The following ACOXL variants were observed in gnomAD, a reference collection of about 807,000 sequenced individuals.
ACOXL encodes the protein acyl-CoA oxidase like, also known as acyl-coenzyme A oxidase-like protein.
Under a neutral mutation model 71.9 loss-of-function variants are expected in ACOXL, and 70 were observed. The observed-to-expected ratio is 0.97, with a 90% CI of 0.80 to 1.19. The LOEUF is 1.19. Among genes scored for constraint, ACOXL ranks in the 50% most tolerant of loss-of-function variants. The pLI is 0.00. For synonymous variants in ACOXL, 253 were observed against 281.6 expected (o/e 0.90, Z 1.02); for missense variants, 703 against 736.3 (o/e 0.95, Z 0.52).
At chr2:110,867,916 C>T (rs1694809671) in intron 10 of ACOXL, among the ~76,000 whole-genome samples, 1 of 152,106 alleles carries the variant, frequency 6.6e-6, no homozygotes, top group Non-Finnish European at 1.5e-5. Context: ...GTGCCCACCA[C>T]CACGCTCAGC....
chr2:110,851,838 G>C (rs1692636421), intron 10 of ACOXL, among the ~76,000 whole-genome samples: 1 of 152,188 alleles, frequency 6.6e-6, no homozygotes, highest in Admixed American at 6.5e-5. Flanking sequence ...CCGGGAAATG[G>C]GGGGCAGCTG....
intron 9 of ACOXL, among the ~76,000 whole-genome samples, chr2:110,816,753 T>C (rs1687969616): frequency 6.6e-6 from 1 of 152,220 alleles, no homozygotes; most frequent in Non-Finnish European, 1.5e-5. Context: ...GCCTAAAGTA[T>C]AGAGGAACTG....
intron 10 of ACOXL, among the ~76,000 whole-genome samples, chr2:110,865,289 A>G (rs1390248859): frequency 1.3e-5 from 2 of 152,162 alleles, no homozygotes; most frequent in Non-Finnish European, 2.9e-5. Context: ...GTTGGAGTGG[A>G]GCACACGGCA....
chr2:110,748,766 T>C (rs1678558101), intron 1 of ACOXL, among the ~76,000 whole-genome samples: 1 of 152,212 alleles, frequency 6.6e-6, no homozygotes, highest in Non-Finnish European at 1.5e-5. Flanking sequence ...AGGCAGATGG[T>C]TTCTTTGCTC....
chr2:110,866,698 CA>C (rs1694626807), intron 10 of ACOXL, among the ~76,000 whole-genome samples: 1 of 152,070 alleles, frequency 6.6e-6, no homozygotes, highest in Non-Finnish European at 1.5e-5. Context: ...AAGCTTGAGG[CA>C]CCCCCAGGTC....
At chr2:110,811,135 A>G (rs1687267747) in intron 9 of ACOXL, among the ~76,000 whole-genome samples, 1 of 152,236 alleles carries the variant, frequency 6.6e-6, no homozygotes, top group South Asian at 2.1e-4. Flanking sequence ...AAAGCGTATC[A>G]GGGAGTTATG....
chr2:111,037,563 AATCACAGCC>A (rs1049013301), intron 15 of ACOXL, among the ~76,000 whole-genome samples: 1 of 152,198 alleles, frequency 6.6e-6, no homozygotes, highest in African/African-American at 2.4e-5. Context: ...TCTGTGTAAT[AATCACAGCC>A]ATCACAGCCA....
At chr2:110,914,647 T>G (rs531983189) in intron 11 of ACOXL, among the ~76,000 whole-genome samples, 1 of 152,330 alleles carries the variant, frequency 6.6e-6, no homozygotes, top group African/African-American at 2.4e-5. Context: ...CAATATTTAT[T>G]TCTTTTAATT....
chr2:111,113,674 G>A (rs2070147370), intron 17 of ACOXL, among the ~76,000 whole-genome samples: 1 of 152,200 alleles, frequency 6.6e-6, no homozygotes, highest in Non-Finnish European at 1.5e-5. Context: ...GAATAAAGGT[G>A]GCCAGAGGCA....
At chr2:110,974,202 A>G (rs759056772) in intron 12 of ACOXL, among the ~76,000 whole-genome samples, 9 of 152,172 alleles carry the variant, frequency 5.9e-5, no homozygotes, top group East Asian at 1.9e-4. Context: ...AGAGATGGAA[A>G]TTTCAGGAGA....
At chr2:111,077,080 G>A (rs1286430887) in intron 16 of ACOXL, among the ~76,000 whole-genome samples, 1 of 152,164 alleles carries the variant, frequency 6.6e-6, no homozygotes, top group African/African-American at 2.4e-5. Context: ...AATATTTGCA[G>A]ATTTCAGGAA....
intron 11 of ACOXL, among the ~76,000 whole-genome samples, chr2:110,912,415 A>T (rs1459850411): frequency 6.6e-6 from 1 of 152,158 alleles, no homozygotes; most frequent in Non-Finnish European, 1.5e-5. Context: ...GGCATTGGAT[A>T]GATACACAGG....
At chr2:110,937,379 A>ATC (rs3059310) in intron 12 of ACOXL, among the ~76,000 whole-genome samples, 71,834 of 151,808 alleles carry the variant, frequency 0.47, 17,687 homozygotes, top group East Asian at 0.6. Context: ...TGCTTCTAGC[A>ATC]CCTATCACTC....
chr2:110,984,035 G>A (rs1205097474), intron 12 of ACOXL, among the ~76,000 whole-genome samples: 1 of 151,934 alleles, frequency 6.6e-6, no homozygotes, highest in Non-Finnish European at 1.5e-5. Flanking sequence ...TGGTAGAGAC[G>A]GGGTTTCACT....
intron 16 of ACOXL, among the ~76,000 whole-genome samples, chr2:111,067,307 T>C (rs917204948): frequency 1.3e-5 from 2 of 151,916 alleles, no homozygotes; most frequent in Non-Finnish European, 1.5e-5. Flanking sequence ...ATAATGATAA[T>C]GGAAATGTAA....
intron 10 of ACOXL, among the ~76,000 whole-genome samples, chr2:110,865,312 G>T (rs1238882264): frequency 6.6e-6 from 1 of 152,198 alleles, no homozygotes; most frequent in African/African-American, 2.4e-5. Flanking sequence ...TGCGTAGGGT[G>T]GGGTTGGGCT....
chr2:110,991,262 G>A (rs2063160092), intron 13 of ACOXL, among the ~76,000 whole-genome samples: 1 of 151,952 alleles, frequency 6.6e-6, no homozygotes, highest in African/African-American at 2.4e-5. Context: ...TGTCTCATTT[G>A]TCATTCCTAA....
At chr2:110,751,218 G>A (rs376726227) in intron 1 of ACOXL, among the ~76,000 whole-genome samples, 2 of 150,540 alleles carry the variant, frequency 1.3e-5, no homozygotes, top group South Asian at 4.2e-4. Context: ...GGAGAATGGC[G>A]TGAACCTGGG....
In ACOXL at chr2:110,866,269, G is replaced by T. The variant is rs1042745346; in HGVS notation, c.788+24864G>T. Among the ~76,000 whole-genome samples the T allele has an allele frequency of 3.9e-5, 6 of 152,194 alleles. 1 individual carries two copies. Among genetic ancestry groups the T allele is most frequent in the Admixed American group, 2.0e-4 (3 of 15,288 alleles). On this transcript the variant is annotated intron_variant, in intron 10 of 17. Coordinates refer to ENST00000439055, the MANE Select transcript of ACOXL (RefSeq NM_001142807.4). Reference sequence around the variant, plus strand: ...CATAGCTGGAGGCAGGAGAGGAGGGGCAGAGGGCGGGAGAAGATCTGGGGC... The same window carrying T: ...CATAGCTGGAGGCAGGAGAGGAGGGTCAGAGGGCGGGAGAAGATCTGGGGC...
Sources: allele counts gnomAD v4.1 joint callset (sites outside exome capture counted in the v4.1 genomes callset), GRCh38; gene constraint gnomAD v4.1.1; transcripts MANE v1.5; gene names NCBI Gene and HGNC (gene_info 2026-07-23, HGNC 2026-07-21).